The following VAT1L variants were observed in gnomAD, a reference collection of about 807,000 sequenced individuals.
VAT1L encodes the protein putative NADPH-dependent quinone oxidoreductase VAT1L.
Under a neutral mutation model 44.1 loss-of-function variants are expected in VAT1L, and 34 were observed. The observed-to-expected ratio is 0.77, with a 90% CI of 0.59 to 1.03. VAT1L has a LOEUF of 1.03. Ranked by LOEUF, VAT1L falls within the 50% of genes least tolerant of loss-of-function variation. The probability of loss-of-function intolerance (pLI) is 0.00; values close to 1 mark genes in which losing one functional copy is unlikely to be tolerated. For synonymous variants in VAT1L, 253 were observed against 202.2 expected, an observed-to-expected ratio of 1.25 and a Z score of -2.13; for missense variants, 615 against 538.8, an observed-to-expected ratio of 1.14 and a Z score of -1.40.
intron 1 of VAT1L, among the ~76,000 whole-genome samples, chr16:77,809,553 G>T (rs1160000132): frequency 6.6e-6 from 1 of 152,118 alleles, no homozygotes; most frequent in African/African-American, 2.4e-5. Context: ...TCACTAAAGA[G>T]ACTCTCAGAG....
chr16:77,891,904 C>T (rs2017270322), intron 7 of VAT1L, among the ~76,000 whole-genome samples: 1 of 152,150 alleles, frequency 6.6e-6, no homozygotes, highest in Non-Finnish European at 1.5e-5. Flanking sequence ...AACCCTGTCT[C>T]TACTAAGAAT....
At chr16:77,893,457 G>A (rs914179833) in intron 7 of VAT1L, among the ~76,000 whole-genome samples, 2 of 152,228 alleles carry the variant, frequency 1.3e-5, no homozygotes, top group African/African-American at 4.8e-5. Flanking sequence ...AAAAGTTGAT[G>A]AGCTTAGATG....
chr16:77,887,410 G>T (rs905152534), intron 7 of VAT1L, among the ~76,000 whole-genome samples: 11 of 152,208 alleles, frequency 7.2e-5, no homozygotes. Flanking sequence ...GGCAACTACA[G>T]AAGTCTGATA....
At chr16:77,789,515 T>C (rs2015793771) in intron 1 of VAT1L, among the ~76,000 whole-genome samples, 1 of 152,170 alleles carries the variant, frequency 6.6e-6, no homozygotes, top group Non-Finnish European at 1.5e-5. Context: ...CTGAAGGGCC[T>C]GGGACAGGGT....
At chr16:77,870,681 G>T (rs1201492349) in intron 4 of VAT1L, among the ~76,000 whole-genome samples, 2 of 152,170 alleles carry the variant, frequency 1.3e-5, no homozygotes, top group African/African-American at 4.8e-5. Context: ...TTTTAAATCC[G>T]CAGAGATTTA....
intron 7 of VAT1L, among the ~76,000 whole-genome samples, chr16:77,954,604 G>A (rs1042250286): frequency 2.0e-5 from 3 of 152,136 alleles, no homozygotes; most frequent in African/African-American, 4.8e-5. Flanking sequence ...CAGCCTGGGC[G>A]ACAGAGCGAG....
intron 4 of VAT1L, among the ~76,000 whole-genome samples, chr16:77,864,442 A>C (rs189469521): frequency 0.026 from 3,956 of 152,090 alleles, 176 homozygotes; most frequent in African/African-American, 0.09. Flanking sequence ...GTGCCCCCCC[A>C]CAAAAATACA....
intron 3 of VAT1L, among the ~76,000 whole-genome samples, chr16:77,837,469 C>T (rs1347788172): frequency 6.6e-6 from 1 of 152,148 alleles, no homozygotes; most frequent in Non-Finnish European, 1.5e-5. Context: ...CTGCTGTGTT[C>T]GTGAAGGCAG....
At chr16:77,889,990 G>A (rs1029747638) in intron 7 of VAT1L, among the ~76,000 whole-genome samples, 1 of 152,170 alleles carries the variant, frequency 6.6e-6, no homozygotes, top group Admixed American at 6.5e-5. Context: ...GGGAGGCTGA[G>A]GCAGGAGAAT....
At chr16:77,962,763 G>GGAAGGAAGGAAC (rs1333403883) in intron 7 of VAT1L, among the ~76,000 whole-genome samples, 122 of 151,532 alleles carry the variant, frequency 8.1e-4, no homozygotes, top group Non-Finnish European at 1.3e-3. Flanking sequence ...AAGGAAGGAA[G>GGAAGGAAGGAAC]GAAGGAAGGA....
intron 5 of VAT1L, among the ~76,000 whole-genome samples, chr16:77,877,927 G>A (rs530710958): frequency 7.9e-5 from 12 of 152,170 alleles, no homozygotes; most frequent in Non-Finnish European, 1.8e-4. Context: ...ATCAGTGAGA[G>A]TCCCTGCACG....
chr16:77,813,244 G>C (rs941047777), intron 1 of VAT1L, among the ~76,000 whole-genome samples: 1 of 152,102 alleles, frequency 6.6e-6, no homozygotes, highest in Non-Finnish European at 1.5e-5. Context: ...ACTATTTACT[G>C]TGTGGCCTTG....
At chr16:77,862,993 C>T (rs1359329307) in intron 4 of VAT1L, 103 bp downstream of exon 4, 2 of 1,410,694 alleles carry the variant, frequency 1.4e-6, no homozygotes, top group Admixed American at 2.2e-5. Flanking sequence ...ATGTAGCAAA[C>T]ATATATTGGG....
intron 8 of VAT1L, among the ~76,000 whole-genome samples, chr16:77,976,032 G>C (rs1315336983): frequency 6.6e-6 from 1 of 152,202 alleles, no homozygotes; most frequent in Admixed American, 6.5e-5. Context: ...ACCAATGTCT[G>C]CGAGCCAATT....
intron 6 of VAT1L, among the ~76,000 whole-genome samples, chr16:77,883,713 C>T (rs1304579650): frequency 6.6e-6 from 1 of 152,072 alleles, no homozygotes; most frequent in African/African-American, 2.4e-5. Flanking sequence ...TGATTCAGTC[C>T]CAACAATTTG....
intron 7 of VAT1L, among the ~76,000 whole-genome samples, chr16:77,950,264 C>T (rs2018025761): frequency 6.6e-6 from 1 of 152,106 alleles, no homozygotes; most frequent in Admixed American, 6.6e-5. Context: ...CAAAAATTAG[C>T]CAGGTGTGGT....
At chr16:77,874,202 T>A (rs1375368659) in intron 4 of VAT1L, among the ~76,000 whole-genome samples, 2 of 152,046 alleles carry the variant, frequency 1.3e-5, no homozygotes, top group East Asian at 3.9e-4. Context: ...CAGGTGGGCA[T>A]CCTGCAGGCA....
intron 3 of VAT1L, among the ~76,000 whole-genome samples, chr16:77,861,593 T>C (rs1001794770): frequency 6.6e-6 from 1 of 152,238 alleles, no homozygotes; most frequent in African/African-American, 2.4e-5. Context: ...CTTTGACCTG[T>C]GTTGCAAAAT....
chr16:77,790,291 G>C (rs2015809853), intron 1 of VAT1L, among the ~76,000 whole-genome samples: 1 of 152,176 alleles, frequency 6.6e-6, no homozygotes, highest in Non-Finnish European at 1.5e-5. Flanking sequence ...TAAGGGAAGA[G>C]GCTTTTGCAA....
Sources: allele counts gnomAD v4.1 joint callset (sites outside exome capture counted in the v4.1 genomes callset), GRCh38; gene constraint gnomAD v4.1.1; transcripts MANE v1.5; gene names NCBI Gene and HGNC (gene_info 2026-07-23, HGNC 2026-07-21).